Variants in LIPH observed in about 807,000 individuals in gnomAD.
The protein encoded by LIPH is lipase member H.
A neutral mutation model predicts 47.6 loss-of-function variants in LIPH; 32 were observed. That is an observed-to-expected ratio of 0.67 (90% CI 0.51 to 0.90). LIPH has a LOEUF of 0.90. Among genes scored for constraint, LIPH ranks in the 40% least tolerant of loss-of-function variants. The pLI is 0.00. For synonymous variants in LIPH, 190 were observed against 195.6 expected (o/e 0.97, Z 0.24); for missense variants, 497 against 541.4 (o/e 0.92, Z 0.81).
chr3:185,544,317 G>A (rs1215009370), intron 1 of LIPH, among the ~76,000 whole-genome samples: 1 of 148,094 alleles, frequency 6.8e-6, no homozygotes, highest in Non-Finnish European at 1.5e-5. Flanking sequence ...CTACCCTGGA[G>A]AATGGAGAAT....
chr3:185,511,531 G>T lies in LIPH; in HGVS notation c.1261C>A (p.Pro421Thr). The T allele has an allele frequency of 6.2e-7, 1 of 1,614,116 alleles. No homozygotes were observed. The highest frequency in any genetic ancestry group is 8.5e-7 in the Non-Finnish European group (1 of 1,180,002). The change falls in exon 9 of 10, where the codon CCG becomes ACG. Residue 421 changes from proline (P) to threonine (T), a missense_variant. By Grantham distance (38) the Pro-to-Thr change is conservative. Coordinates refer to ENST00000296252, the MANE Select transcript of LIPH (RefSeq NM_139248.3). The stretch of plus-strand genomic sequence containing the variant: ...ACCGTACCCTCAGCTCACCTCTCCG[G>T]ATGGGCAAGGGACCTTAACTTCATT... Reference protein sequence around the residue: ...LRMKLRSLAHPERPQLCRYDL... With the variant: ...LRMKLRSLAHTERPQLCRYDL...
chr3:185,529,946 GAAAGAAAGAAAGAAAGAAGGAA>G (rs1720267952), intron 3 of LIPH, among the ~76,000 whole-genome samples: 1 of 53,892 alleles, frequency 1.9e-5, no homozygotes, highest in African/African-American at 5.0e-5. Context: ...AAGAAAGAAA[GAAAGAAAGAAAGAAAGAAGGAA>G]AGAAAGAAAG....
At chr3:185,527,450 C>A in intron 4 of LIPH, 34 bp downstream of exon 4, 1 of 1,374,768 alleles carries the variant, frequency 7.3e-7, no homozygotes. Context: ...AGGAGCCTGG[C>A]GGTGTCACTG....
At chr3:185,514,952 C>T (rs190067483) in intron 7 of LIPH, among the ~76,000 whole-genome samples, 3 of 152,306 alleles carry the variant, frequency 2.0e-5, no homozygotes, top group East Asian at 3.9e-4. Flanking sequence ...CCCAATCATG[C>T]TCCACCACCT....
intron 1 of LIPH, among the ~76,000 whole-genome samples, chr3:185,535,441 T>C (rs1261270548): frequency 6.6e-6 from 1 of 152,042 alleles, no homozygotes. Context: ...TCATGCCCGC[T>C]AATTTGTGTA....
rs1197907822 is a variant in LIPH, at chr3:185,511,592, A to G, written c.1200T>C (p.Ser400=). Residue 400 remains serine (S), a synonymous_variant, in exon 9 of 10, where the codon TCT becomes TCC. Transcript: ENST00000296252. ...TGAGCTTGTACCTTGGGCCTATTAG[A>G]GATCCTGTAGAGAACATCAAGGAAA... ...AAISLMFSTG[S]LIGPRYKLRI... 2.0e-5 allele frequency: 32 copies of G among 1,614,024 alleles called. No homozygotes were observed. The highest frequency in any genetic ancestry group is 2.5e-5 in the Non-Finnish European group (29 of 1,179,876).
In LIPH at chr3:185,517,066, C is replaced by T. The variant is rs778065986; in HGVS notation, c.982+1G>A. ...AGCCAACAACCACATTCACCACTCACTGCAGAATGGGCTCTCCTCAGCTGT... is the reference window on the plus strand; with the variant it reads ...AGCCAACAACCACATTCACCACTCATTGCAGAATGGGCTCTCCTCAGCTGT... On this transcript the variant is annotated splice_donor_variant, in intron 7 of 9. Coordinates refer to ENST00000296252, the MANE Select transcript of LIPH (RefSeq NM_139248.3). LOFTEE classifies it high-confidence loss of function. 6.2e-7 allele frequency: 1 copy of T among 1,600,688 alleles called. No individual in the cohort carries two copies. Among genetic ancestry groups the T allele is most frequent in the South Asian group, 1.1e-5 (1 of 90,802 alleles).
intron 4 of LIPH, 121 bp downstream of exon 4, chr3:185,527,363 G>T: frequency 1.2e-6 from 1 of 803,520 alleles, no homozygotes. Context: ...TTGGAACCCT[G>T]CCTGGAAAAA....
rs752047383 is a variant in LIPH at position 185,519,314 on chromosome 3, G to C, written c.719-5C>G. 36 of 1,607,096 alleles carry C rather than the reference G, an allele frequency of 2.2e-5. No individual in the cohort carries two copies. The Admixed American group carries it at 6.0e-4, about 27-fold the overall frequency. On this transcript the variant is annotated splice_polypyrimidine_tract_variant and splice_region_variant and intron_variant, in intron 5 of 9. Transcript: ENST00000296252. ...CACATTTAAAATACTGAAATCCTTG[G>C]TTGTAAAAGAAGTGATGAAAGAGTA... is the stretch of plus-strand genomic sequence containing the variant.
intron 3 of LIPH, among the ~76,000 whole-genome samples, chr3:185,531,913 C>A (rs1720342688): frequency 6.6e-6 from 1 of 152,078 alleles, no homozygotes; most frequent in Non-Finnish European, 1.5e-5. Context: ...GATCATAGCT[C>A]ACTGCATCCT....
At chr3:185,532,234 G>A (rs903590965) in intron 3 of LIPH, among the ~76,000 whole-genome samples, 10 of 152,046 alleles carry the variant, frequency 6.6e-5, no homozygotes, top group Middle Eastern at 3.2e-3. Flanking sequence ...ACATGAGGCC[G>A]GGCACAGTGG....
At chr3:185,549,629 TA>T (rs1351671388) in intron 1 of LIPH, among the ~76,000 whole-genome samples, 1 of 152,184 alleles carries the variant, frequency 6.6e-6, no homozygotes, top group Non-Finnish European at 1.5e-5. Flanking sequence ...GAGGAATTGT[TA>T]AAAATGCAGA....
intron 1 of LIPH, among the ~76,000 whole-genome samples, chr3:185,550,488 C>G (rs550438188): frequency 2.0e-4 from 30 of 152,244 alleles, no homozygotes; most frequent in Non-Finnish European, 2.5e-4. Context: ...TAATGAAAGA[C>G]TGGAAGAAGG....
At chr3:185,509,946 CTTTTTTTTTTTT>C (rs66966684) in intron 9 of LIPH, among the ~76,000 whole-genome samples, 73 of 118,434 alleles carry the variant, frequency 6.2e-4, no homozygotes, top group African/African-American at 2.2e-3. Context: ...TTTTTGTTTT[CTTTTTTTTTTTT>C]TTTTTTGAGA....
intron 3 of LIPH, among the ~76,000 whole-genome samples, chr3:185,533,160 A>G (rs2148958609): frequency 6.6e-6 from 1 of 152,232 alleles, no homozygotes; most frequent in South Asian, 2.1e-4. Flanking sequence ...CCCAGCCATC[A>G]AAATTCCCAT....
intron 5 of LIPH, among the ~76,000 whole-genome samples, chr3:185,522,816 A>T: frequency 6.6e-6 from 1 of 152,216 alleles, no homozygotes; most frequent in Non-Finnish European, 1.5e-5. Context: ...TGAAAAACAC[A>T]AAATGATAGG....
intron 1 of LIPH, among the ~76,000 whole-genome samples, chr3:185,546,307 G>A (rs1720869520): frequency 6.7e-6 from 1 of 149,222 alleles, no homozygotes; most frequent in African/African-American, 2.5e-5. Context: ...GGCCAGGATT[G>A]TGCCACTGCA....
At chr3:185,529,197 AAAAGAAAAAG>A in intron 3 of LIPH, among the ~76,000 whole-genome samples, 1 of 148,218 alleles carries the variant, frequency 6.7e-6, no homozygotes, top group African/African-American at 2.5e-5. Context: ...AAAAAAGAAA[AAAAGAAAAAG>A]AAAAAGAAAG....
Position 185,534,940 on chromosome 3 carries a change from G to C in LIPH, c.242C>G (p.Thr81Arg). 1 of 1,614,054 alleles carries C rather than the reference G, an allele frequency of 6.2e-7. No homozygotes were observed. Among genetic ancestry groups the C allele is most frequent in the Non-Finnish European group, 8.5e-7 (1 of 1,179,892 alleles). ...ATCCATCCAAACAGGAGGGGAGCCT[G>C]TTGGCCTGAATCCATGGACAATGAA... Reference protein sequence around the residue: ...TTFIVHGFRPTGSPPVWMDDL... With the variant: ...TTFIVHGFRPRGSPPVWMDDL... The change falls in exon 2 of 10, where the codon ACA becomes AGA. Residue 81 changes from threonine (T) to arginine (R), a missense_variant. Coordinates refer to ENST00000296252, the MANE Select transcript of LIPH (RefSeq NM_139248.3).
Sources: allele counts gnomAD v4.1 joint callset (sites outside exome capture counted in the v4.1 genomes callset), GRCh38; gene constraint gnomAD v4.1.1; transcripts MANE v1.5; gene names NCBI Gene and HGNC (gene_info 2026-07-23, HGNC 2026-07-21).